ZFHX3: variants seen among roughly 807,000 people sequenced by gnomAD.
ZFHX3 encodes zinc finger homeobox 3.
A neutral mutation model predicts 279.1 loss-of-function variants in ZFHX3; 42 were observed. The observed-to-expected ratio is 0.15, with a 90% confidence interval of 0.12 to 0.19. The LOEUF (loss-of-function observed/expected upper bound fraction) is 0.19, where lower values mean the gene tolerates loss of function less well. ZFHX3 is among the 10% of genes least tolerant of loss of function. The pLI, the probability that ZFHX3 is intolerant of heterozygous loss-of-function variation, is 1.00. For missense variants in ZFHX3, 4,981 were observed against 4,754.0 expected, an observed-to-expected ratio of 1.05 and a Z score of -1.40; for synonymous variants, 2,293 against 1,957.8, an observed-to-expected ratio of 1.17 and a Z score of -4.52.
chr16:73,708,228 A>G (rs955802071), intron 1 of ZFHX3, among the ~76,000 whole-genome samples: 1 of 152,202 alleles, frequency 6.6e-6, no homozygotes, highest in African/African-American at 2.4e-5. Flanking sequence ...CGTTTTATCA[A>G]TACTTTTTGA....
intron 2 of ZFHX3, among the ~76,000 whole-genome samples, chr16:73,546,748 T>C (rs933735619): frequency 4.7e-5 from 7 of 147,768 alleles, no homozygotes; most frequent in African/African-American, 1.8e-4. Context: ...TGCTTCTTTT[T>C]CGGCTTCTTC....
chr16:73,097,030 TTC>T (rs967913428), intron 7 of ZFHX3, among the ~76,000 whole-genome samples: 2 of 151,890 alleles, frequency 1.3e-5, no homozygotes, highest in Non-Finnish European at 2.9e-5. Context: ...TCTCTTCTCT[TTC>T]TCTGTCTCTC....
At chr16:73,813,664 A>T (rs1367359803) in intron 1 of ZFHX3, 2 of 152,128 alleles carry the variant, frequency 1.3e-5, no homozygotes, top group African/African-American at 4.8e-5. Context: ...ATCCCACAGC[A>T]CTCATCAGAC....
rs2035379269 is a variant in ZFHX3 at position 72,786,537 on chromosome 16, C to A, written c.*627G>T. On this transcript the variant is annotated 3_prime_UTR_variant, in exon 10 of 10. Coordinates refer to ENST00000268489, the MANE Select transcript of ZFHX3 (RefSeq NM_006885.4). ...CAGTTCACATTGTTTTTCTTGAATA[C>A]TTTCTGCCCATTTTTAAGTTAACAA... The A allele has an allele frequency of 7.2e-6, 1 of 139,294 alleles. No individual in the cohort carries two copies. The highest frequency in any genetic ancestry group is 2.2e-4 in the South Asian group (1 of 4,462). The allele number at this position is 139,294 out of a possible 1,614,324, so 8.6% of individuals were successfully genotyped here.
chr16:73,671,868 A>C (rs1400034695), intron 2 of ZFHX3, among the ~76,000 whole-genome samples: 1 of 152,206 alleles, frequency 6.6e-6, no homozygotes, highest in Non-Finnish European at 1.5e-5. Context: ...ATAAATACAT[A>C]CATTAACCTA....
At chr16:73,130,539 T>C (rs1306438535) in intron 7 of ZFHX3, among the ~76,000 whole-genome samples, 1 of 152,224 alleles carries the variant, frequency 6.6e-6, no homozygotes, top group African/African-American at 2.4e-5. Flanking sequence ...TGCCCTATCA[T>C]TTTAAAACAT....
intron 1 of ZFHX3, among the ~76,000 whole-genome samples, chr16:72,979,892 T>C: frequency 6.6e-6 from 1 of 152,144 alleles, no homozygotes; most frequent in Non-Finnish European, 1.5e-5. Flanking sequence ...GCATGCTAGG[T>C]ATGCTTTTAA....
chr16:73,737,709 C>T (rs979522087), intron 1 of ZFHX3, among the ~76,000 whole-genome samples: 11 of 151,898 alleles, frequency 7.2e-5, no homozygotes, highest in Non-Finnish European at 1.6e-4. Flanking sequence ...ACAAAGCTGA[C>T]ATTATATAGT....
intron 1 of ZFHX3, among the ~76,000 whole-genome samples, chr16:73,819,029 C>G (rs1219611665): frequency 6.6e-6 from 1 of 152,122 alleles, no homozygotes; most frequent in Non-Finnish European, 1.5e-5. Flanking sequence ...TGTGTCCAAG[C>G]ACATCCTCAA....
intron 1 of ZFHX3, among the ~76,000 whole-genome samples, chr16:73,883,842 C>T (rs952064996): frequency 2.6e-5 from 4 of 152,030 alleles, no homozygotes; most frequent in Admixed American, 6.6e-5. Flanking sequence ...CCAAGGTCTC[C>T]ATAAGTGAGT....
chr16:73,385,335 G>C (rs1007487483), intron 3 of ZFHX3, among the ~76,000 whole-genome samples: 1 of 152,154 alleles, frequency 6.6e-6, no homozygotes, highest in Non-Finnish European at 1.5e-5. Flanking sequence ...TGAGCAATTA[G>C]GGCCATGAAC....
chr16:73,517,025 T>G (rs954649627), intron 2 of ZFHX3, among the ~76,000 whole-genome samples: 2 of 152,170 alleles, frequency 1.3e-5, no homozygotes, highest in Non-Finnish European at 2.9e-5. Context: ...ATTATTCCTT[T>G]CAACTTCTGC....
intron 2 of ZFHX3, among the ~76,000 whole-genome samples, chr16:73,492,326 C>T (rs1344912209): frequency 2.0e-5 from 3 of 152,136 alleles, no homozygotes; most frequent in South Asian, 2.1e-4. Flanking sequence ...CACAAGACTT[C>T]GGACTCTGAT....
chr16:73,585,911 A>G (rs1322352901), intron 2 of ZFHX3, among the ~76,000 whole-genome samples: 2 of 152,234 alleles, frequency 1.3e-5, no homozygotes, highest in Admixed American at 1.3e-4. Flanking sequence ...CTTCCAAAGT[A>G]GTAGTAGAAA....
intron 4 of ZFHX3, among the ~76,000 whole-genome samples, chr16:72,854,774 C>T (rs1357400159): frequency 1.3e-5 from 2 of 151,954 alleles, no homozygotes; most frequent in African/African-American, 4.8e-5. Flanking sequence ...CCCGATTGAG[C>T]CTCATTAAGA....
At chr16:73,176,738 G>A (rs1203254504) in intron 5 of ZFHX3, among the ~76,000 whole-genome samples, 7 of 151,712 alleles carry the variant, frequency 4.6e-5, no homozygotes, top group Admixed American at 3.9e-4. Flanking sequence ...TAAAATGTAG[G>A]CTAGACAAGA....
intron 1 of ZFHX3, among the ~76,000 whole-genome samples, chr16:73,000,804 C>T (rs1378703081): frequency 1.3e-5 from 2 of 152,226 alleles, no homozygotes; most frequent in Non-Finnish European, 2.9e-5. Flanking sequence ...ACGTTCGACA[C>T]ACTCCTGGAG....
chr16:72,907,396 T>C (rs1402801040), intron 3 of ZFHX3, among the ~76,000 whole-genome samples: 2 of 152,068 alleles, frequency 1.3e-5, no homozygotes, highest in African/African-American at 4.8e-5. Context: ...TGAGTGTTCA[T>C]CAATCACCTC....
At chr16:73,324,825 G>T (rs1253300055) in intron 3 of ZFHX3, among the ~76,000 whole-genome samples, 2 of 152,162 alleles carry the variant, frequency 1.3e-5, no homozygotes, top group African/African-American at 4.8e-5. Context: ...TAGGCCCTGG[G>T]TGTGGAGCAC....
Sources: gnomAD v4.1 joint callset for allele counts (sites outside exome capture counted in the v4.1 genomes callset) on GRCh38, gnomAD v4.1.1 for gene constraint, MANE v1.5 for transcripts, NCBI Gene and HGNC (gene_info 2026-07-23, HGNC 2026-07-21) for gene names.